SCN9A: variants seen among roughly 807,000 people sequenced by gnomAD.
SCN9A encodes the protein sodium voltage-gated channel alpha subunit 9, also known as sodium channel protein type 9 subunit alpha.
A neutral mutation model predicts 187.0 loss-of-function variants in SCN9A; 131 were observed. That is an observed-to-expected ratio of 0.70 (90% CI 0.61 to 0.81). The LOEUF is 0.81. SCN9A is among the 30% of genes least tolerant of loss of function. The pLI is 0.00. For missense variants in SCN9A, 2,252 were observed against 2,396.6 expected (o/e 0.94, Z 1.26); for synonymous variants, 809 against 808.6 (o/e 1.00, Z -0.01).
At chr2:166,227,116 T>C (rs1467142440) in intron 23 of SCN9A, among the ~76,000 whole-genome samples, 3 of 152,160 alleles carry the variant, frequency 2.0e-5, no homozygotes, top group Non-Finnish European at 2.9e-5. Context: ...ATCTTTATTA[T>C]ATTTTGTAAA....
chr2:166,323,030 A>G (rs7558866), intron 1 of SCN9A, among the ~76,000 whole-genome samples: 22,983 of 152,182 alleles, frequency 0.15, 1,748 homozygotes, highest in Admixed American at 0.18. Context: ...GAAAATTCCC[A>G]TCATTTCACC....
At position 166,284,692 on chromosome 2, in the gene SCN9A, C is replaced by T. The variant is rs1381641648; in HGVS notation, c.1735G>A (p.Gly579Arg). 3 of 1,613,974 alleles carry T rather than the reference C, an allele frequency of 1.9e-6. No homozygotes were observed. The highest frequency in any genetic ancestry group is 2.5e-6 in the Non-Finnish European group (3 of 1,179,876). Reference sequence around the variant, plus strand: ...GAGCCCCTTCTGCTCTCATTGTCTCCAAAAATGCTGTGCTCATCATCGGCA... The same window carrying T: ...GAGCCCCTTCTGCTCTCATTGTCTCTAAAAATGCTGTGCTCATCATCGGCA... ...EFADDEHSIF[G>R]DNESRRGSLF... is the part of the protein sequence containing the mutation. The change falls in exon 12 of 27, where the codon GGA (glycine) becomes AGA (arginine). Residue 579 changes from glycine to arginine, a missense_variant. Gly to Arg is a moderately radical substitution (Grantham distance 125). Coordinates refer to ENST00000642356, the MANE Select transcript of SCN9A (RefSeq NM_001365536.1).
chr2:166,369,797 A>G (rs1404881543), intron 1 of SCN9A, among the ~76,000 whole-genome samples: 4 of 152,206 alleles, frequency 2.6e-5, no homozygotes, highest in Admixed American at 1.3e-4. Flanking sequence ...ACTTGAAAGA[A>G]TAGTCATTTA....
At chr2:166,295,829 A>C (rs1698275552) in intron 7 of SCN9A, among the ~76,000 whole-genome samples, 1 of 152,170 alleles carries the variant, frequency 6.6e-6, no homozygotes, top group African/African-American at 2.4e-5. Flanking sequence ...TTCACCTTTC[A>C]TGGTATTCTT....
intron 10 of SCN9A, among the ~76,000 whole-genome samples, chr2:166,287,835 C>T (rs1574870672): frequency 1.3e-5 from 2 of 151,516 alleles, no homozygotes; most frequent in African/African-American, 2.4e-5. Flanking sequence ...ACATGATGCA[C>T]TGTTTTAGTC....
At chr2:166,226,191 A>G (rs1365007843) in intron 24 of SCN9A, among the ~76,000 whole-genome samples, 1 of 152,122 alleles carries the variant, frequency 6.6e-6, no homozygotes, top group Non-Finnish European at 1.5e-5. Flanking sequence ...CCAACCCAAT[A>G]TATATTACAC....
At chr2:166,251,430 A>C (rs1331367298) in intron 18 of SCN9A, among the ~76,000 whole-genome samples, 1 of 152,086 alleles carries the variant, frequency 6.6e-6, no homozygotes, top group East Asian at 1.9e-4. Context: ...ATTTTTGATT[A>C]AAAGGACCAG....
intron 18 of SCN9A, among the ~76,000 whole-genome samples, chr2:166,245,787 CA>C (rs1211687417): frequency 6.6e-6 from 1 of 151,872 alleles, no homozygotes; most frequent in Non-Finnish European, 1.5e-5. Context: ...TTCTGTAAAA[CA>C]ATATAATTCA....
chr2:166,328,736 G>A (rs1699426886), intron 1 of SCN9A, among the ~76,000 whole-genome samples: 1 of 152,012 alleles, frequency 6.6e-6, no homozygotes, highest in Non-Finnish European at 1.5e-5. Context: ...CTCTACAAAG[G>A]TGAAAAATGA....
At chr2:166,218,943 C>G (rs1694458788) in intron 24 of SCN9A, among the ~76,000 whole-genome samples, 1 of 151,952 alleles carries the variant, frequency 6.6e-6, no homozygotes, top group Non-Finnish European at 1.5e-5. Context: ...GACACACATG[C>G]AACAAACAAG....
chr2:166,305,052 A>G (rs1345344681), intron 5 of SCN9A, among the ~76,000 whole-genome samples: 1 of 152,060 alleles, frequency 6.6e-6, no homozygotes, highest in African/African-American at 2.4e-5. Context: ...CCTGATGGAA[A>G]AGAGGTTAGG....
chr2:166,312,756 C>T lies in SCN9A; in HGVS notation c.-50-950G>A, dbSNP rs550298627. Reference sequence around the variant, plus strand: ...TAACATTAATGCCCTTGTACCTCTCCGTTAGAGCTCTTGAGTGACCAGGCA... The same window carrying T: ...TAACATTAATGCCCTTGTACCTCTCTGTTAGAGCTCTTGAGTGACCAGGCA... On this transcript the variant is annotated intron_variant, in intron 1 of 26. Transcript: ENST00000642356. 5.3e-5 allele frequency among the ~76,000 whole-genome samples: 8 copies of T among 151,866 alleles called. 1 individual carries two copies. The highest frequency in any genetic ancestry group is 1.7e-4 in the African/African-American group (7 of 41,518).
intron 1 of SCN9A, among the ~76,000 whole-genome samples, chr2:166,346,060 C>T (rs1480035628): frequency 6.6e-6 from 1 of 152,140 alleles, no homozygotes; most frequent in African/African-American, 2.4e-5. Flanking sequence ...AGGAATGTCT[C>T]ATTCTCCTGC....
intron 1 of SCN9A, among the ~76,000 whole-genome samples, chr2:166,331,507 A>G (rs1412623102): frequency 6.6e-6 from 1 of 152,194 alleles, no homozygotes; most frequent in East Asian, 1.9e-4. Flanking sequence ...CTCTGTTATC[A>G]ATATCCTCAA....
Position 166,311,663 on chromosome 2 carries a change from A to G in SCN9A, c.94T>C (p.Ser32Pro). ...TTCTTTTCTTCTTTGGGTTCCTTTG[A>G]TTTTCTTTCAGCAATGCGTTGTTCA... is the stretch of plus-strand genomic sequence containing the variant. ...LIEQRIAERKSKEPKEEKKDD... is the reference protein window; with the variant it reads ...LIEQRIAERKPKEPKEEKKDD... Residue 32 changes from serine (S) to proline (P), a missense_variant, in exon 2 of 27, where the codon TCA becomes CCA. Ser to Pro is a moderately conservative substitution (Grantham distance 74, BLOSUM62 -1). This residue lies in a region of SCN9A where 1,013 missense variants were observed against 997.4 expected (regional missense o/e 1.02). Transcript: ENST00000642356. 6.2e-7 allele frequency: 1 copy of G among 1,612,700 alleles called. No homozygotes were observed. The highest frequency in any genetic ancestry group is 8.5e-7 in the Non-Finnish European group (1 of 1,179,580).
At chr2:166,235,106 A>T (rs1695258059) in intron 20 of SCN9A, among the ~76,000 whole-genome samples, 1 of 152,146 alleles carries the variant, frequency 6.6e-6, no homozygotes, top group Non-Finnish European at 1.5e-5. Context: ...GAACTTTAAG[A>T]AATAAATTTC....
chr2:166,209,348 T>A (rs960831159), intron 24 of SCN9A, among the ~76,000 whole-genome samples: 1 of 152,024 alleles, frequency 6.6e-6, no homozygotes, highest in Admixed American at 6.6e-5. Context: ...ATTTATAAAT[T>A]GCCTAAAAAA....
At chr2:166,306,113 C>T (rs1409882893) in intron 4 of SCN9A, among the ~76,000 whole-genome samples, 193 bp from the exon 5 acceptor site, 1 of 152,002 alleles carries the variant, frequency 6.6e-6, no homozygotes, top group Non-Finnish European at 1.5e-5. Context: ...CAGAAACACT[C>T]CCAGAAAGCA....
At chr2:166,207,422 A>C (rs1693859897) in intron 24 of SCN9A, among the ~76,000 whole-genome samples, 1 of 103,682 alleles carries the variant, frequency 9.6e-6, no homozygotes, top group South Asian at 3.4e-4. Flanking sequence ...TCTGCCTTAG[A>C]GTGTTTTTGT....
Sources: allele counts gnomAD v4.1 joint callset (sites outside exome capture counted in the v4.1 genomes callset), GRCh38; gene constraint gnomAD v4.1.1; regional missense constraint gnomAD v4.1.1; transcripts MANE v1.5; gene names NCBI Gene and HGNC (gene_info 2026-07-23, HGNC 2026-07-21).